The following ASXL3 variants were observed in gnomAD, a reference collection of about 807,000 sequenced individuals.
ASXL3 encodes the protein putative Polycomb group protein ASXL3.
ASXL3 carries 34 observed loss-of-function variants against 170.6 expected under a neutral mutation model. The observed-to-expected ratio is 0.20, with a 90% CI of 0.15 to 0.27. The LOEUF (loss-of-function observed/expected upper bound fraction) is 0.27, where lower values mean the gene tolerates loss of function less well. ASXL3 is among the 10% of genes least tolerant of loss of function. ASXL3 has a pLI of 1.00. For synonymous variants in ASXL3, 1,002 were observed against 989.1 expected, an observed-to-expected ratio of 1.01 and a Z score of -0.24; for missense variants, 2,592 against 2,695.3, an observed-to-expected ratio of 0.96 and a Z score of 0.85.
chr18:33,607,716 A>G, intron 2 of ASXL3, 40 bp downstream of exon 2: 1 of 1,455,198 alleles, frequency 6.9e-7, no homozygotes, highest in South Asian at 1.2e-5. Context: ...TTTTCATTAA[A>G]TAATAATTGC....
intron 4 of ASXL3, among the ~76,000 whole-genome samples, chr18:33,653,761 A>G (rs748737636): frequency 6.6e-6 from 1 of 152,072 alleles, no homozygotes; most frequent in Non-Finnish European, 1.5e-5. Context: ...GAAATCGCAC[A>G]GTCCCCCTTA....
chr18:33,584,241 A>T (rs1488141217), intron 1 of ASXL3, among the ~76,000 whole-genome samples: 4 of 152,022 alleles, frequency 2.6e-5, no homozygotes, highest in Non-Finnish European at 5.9e-5. Flanking sequence ...GAGTGGAGGA[A>T]TCTAGAAATA....
intron 5 of ASXL3, among the ~76,000 whole-genome samples, chr18:33,668,259 C>T (rs1333464424): frequency 2.6e-5 from 4 of 151,938 alleles, no homozygotes; most frequent in African/African-American, 9.7e-5. Flanking sequence ...AACCCTGTCT[C>T]TACTAAAAAC....
intron 4 of ASXL3, among the ~76,000 whole-genome samples, chr18:33,660,973 T>C (rs2066164345): frequency 6.6e-6 from 1 of 152,182 alleles, no homozygotes; most frequent in Admixed American, 6.6e-5. Flanking sequence ...TTCTGTAGAA[T>C]AGACAACATG....
At position 33,695,245 on chromosome 18, in the gene ASXL3, T is replaced by C; in HGVS notation, c.879+11677T>C. ...GCCTTTAGGTAAAAGTAAGTGTGTG[T>C]TTGAAATGTAATTATTTTAATGGAA... On this transcript the variant is annotated intron_variant, in intron 8 of 11. Transcript: ENST00000269197. 1.3e-5 allele frequency among the ~76,000 whole-genome samples: 2 copies of C among 152,102 alleles called. 1 individual carries two copies. The highest frequency in any genetic ancestry group is 2.9e-5 in the Non-Finnish European group (2 of 68,006).
At chr18:33,676,060 TA>T (rs1568321268) in intron 7 of ASXL3, among the ~76,000 whole-genome samples, 1 of 151,162 alleles carries the variant, frequency 6.6e-6, no homozygotes. Flanking sequence ...CCGTCTCTAC[TA>T]AAACTACAAA....
chr18:33,740,197 G>C lies in ASXL3; in HGVS notation c.2793G>C (p.Gln931His). 1.2e-6 allele frequency: 2 copies of C among 1,613,904 alleles called. No individual in the cohort carries two copies. Among genetic ancestry groups the C allele is most frequent in the Non-Finnish European group, 1.7e-6 (2 of 1,179,866 alleles). ...AAACACATAAGCAAGGGAGTACACAGAGTCGGTTAGAAACCTCACATACTT... is the reference window on the plus strand; with the variant it reads ...AAACACATAAGCAAGGGAGTACACACAGTCGGTTAGAAACCTCACATACTT... ...RNKTHKQGSTQSRLETSHTSK... is the reference protein window; with the variant it reads ...RNKTHKQGSTHSRLETSHTSK... Residue 931 changes from glutamine to histidine, a missense_variant, in exon 11 of 12, where the codon CAG becomes CAC. By Grantham distance (24) the Gln-to-His change is conservative. This residue lies in a region of ASXL3 where 2,246 missense variants were observed against 2,219.6 expected (regional missense o/e 1.01). Transcript: ENST00000269197.
Position 33,746,293 on chromosome 18 carries a change from C to G in ASXL3, c.6445C>G (p.Gln2149Glu), listed in dbSNP as rs765930045. ...GAAAATGCAGGTGCAGCAACAACAG[C>G]AGCTCTGTGGAAATTATCCAACAAT... ...AQKMQVQQQQ[Q>E]LCGNYPTIHF... Residue 2149 changes from glutamine (Q) to glutamate (E), a missense_variant, in exon 12 of 12, where the codon CAG becomes GAG. Gln to Glu is a conservative substitution (Grantham distance 29). This residue lies in a region of ASXL3 where 2,246 missense variants were observed against 2,219.6 expected (regional missense o/e 1.01). Transcript: ENST00000269197. The G allele has an allele frequency of 6.2e-7, 1 of 1,614,014 alleles. No homozygotes were observed. Among genetic ancestry groups the G allele is most frequent in the Non-Finnish European group, 8.5e-7 (1 of 1,179,902 alleles).
chr18:33,744,585 T>C lies in ASXL3; in HGVS notation c.4737T>C (p.Phe1579=). Residue 1579 remains phenylalanine, a synonymous_variant, in exon 12 of 12, where the codon TTT becomes TTC. Coordinates refer to ENST00000269197, the MANE Select transcript of ASXL3 (RefSeq NM_030632.3). ...AGCCGACTGCTCCCAGTCATAACTT[T>C]GCTGAGCAGGCACGTGGCCCAGCTC... ...LNEPTAPSHN[F]AEQARGPAPF... is the part of the protein sequence containing the mutation. 2 of 1,610,990 alleles carry C rather than the reference T, an allele frequency of 1.2e-6. No homozygotes were observed. The highest frequency in any genetic ancestry group is 2.2e-5 in the East Asian group (1 of 44,822).
chr18:33,732,106 C>T, intron 9 of ASXL3, 42 bp downstream of exon 9: 1 of 1,485,864 alleles, frequency 6.7e-7, no homozygotes, highest in Non-Finnish European at 9.3e-7. Flanking sequence ...TATTGGAGTA[C>T]ACATACCGTA....
At chr18:33,669,955 T>C (rs2066314049) in intron 5 of ASXL3, among the ~76,000 whole-genome samples, 1 of 152,226 alleles carries the variant, frequency 6.6e-6, no homozygotes, top group African/African-American at 2.4e-5. Flanking sequence ...ATCACCGTGG[T>C]CGATTCATTT....
chr18:33,668,093 T>C (rs911697722), intron 5 of ASXL3, among the ~76,000 whole-genome samples: 1 of 152,160 alleles, frequency 6.6e-6, no homozygotes, highest in Non-Finnish European at 1.5e-5. Context: ...AGTTAAATCT[T>C]TCTCTACAAC....
intron 8 of ASXL3, among the ~76,000 whole-genome samples, chr18:33,692,744 G>A (rs1420656870): frequency 1.3e-5 from 2 of 152,180 alleles, no homozygotes; most frequent in African/African-American, 4.8e-5. Flanking sequence ...TTCCGAATGA[G>A]TGATTGAGTG....
chr18:33,700,318 A>AT (rs1308706168), intron 8 of ASXL3, among the ~76,000 whole-genome samples: 5 of 152,078 alleles, frequency 3.3e-5, no homozygotes, highest in Non-Finnish European at 5.9e-5. Context: ...TGGTGGAGAT[A>AT]TTTTTTCATA....
chr18:33,676,233 A>AAAAAAAAAAAAAAC (rs2066428703), intron 7 of ASXL3, among the ~76,000 whole-genome samples: 2 of 149,788 alleles, frequency 1.3e-5, no homozygotes, highest in Non-Finnish European at 3.0e-5. Flanking sequence ...AAAAAAAAAA[A>AAAAAAAAAAAAAAC]AAAAAAAAAA....
intron 1 of ASXL3, among the ~76,000 whole-genome samples, chr18:33,592,231 T>C (rs1049404094): frequency 3.4e-4 from 51 of 152,202 alleles, no homozygotes; most frequent in Middle Eastern, 6.8e-3. Context: ...GTGTTTGAAG[T>C]TTTTTCATGT....
At chr18:33,695,565 G>A (rs1411650787) in intron 8 of ASXL3, among the ~76,000 whole-genome samples, 1 of 152,048 alleles carries the variant, frequency 6.6e-6, no homozygotes, top group African/African-American at 2.4e-5. Flanking sequence ...CTGTTCATCG[G>A]TATCTGCTTC....
chr18:33,628,934 C>A (rs2065638716), intron 2 of ASXL3, among the ~76,000 whole-genome samples: 1 of 152,022 alleles, frequency 6.6e-6, no homozygotes, highest in African/African-American at 2.4e-5. Context: ...TGTTGATGAT[C>A]GCTGTCTCTC....
rs142828733 is a variant in ASXL3, at chr18:33,655,631, A to G, written c.356-5985A>G. Among the ~76,000 whole-genome samples, 844 of 152,196 alleles carry G rather than the reference A, an allele frequency of 5.5e-3. 7 individuals are homozygous for G. The highest frequency in any genetic ancestry group is 0.024 in the Middle Eastern group (7 of 294). On this transcript the variant is annotated intron_variant, in intron 4 of 11. Coordinates refer to ENST00000269197, the MANE Select transcript of ASXL3 (RefSeq NM_030632.3). ...AGTTCTGCTTAGGCTGAATGCAAAA[A>G]GGATTTTAAAAATAGAGTTCAGGAA...
Sources: allele counts gnomAD v4.1 joint callset (sites outside exome capture counted in the v4.1 genomes callset), GRCh38; gene constraint gnomAD v4.1.1; regional missense constraint gnomAD v4.1.1; transcripts MANE v1.5; gene names NCBI Gene and HGNC (gene_info 2026-07-23, HGNC 2026-07-21).